The following DPP6 variants were observed in gnomAD, a reference collection of about 807,000 sequenced individuals.
DPP6 encodes the protein A-type potassium channel modulatory protein DPP6.
A neutral mutation model predicts 122.6 loss-of-function variants in DPP6; 69 were observed. The observed-to-expected ratio is 0.56, with a 90% CI of 0.46 to 0.69. The LOEUF is 0.69. Among genes scored for constraint, DPP6 ranks in the 30% least tolerant of loss-of-function variants. The pLI is 0.00. For missense variants in DPP6, 928 were observed against 1,116.9 expected, an observed-to-expected ratio of 0.83 and a Z score of 2.41; for synonymous variants, 418 against 433.1, an observed-to-expected ratio of 0.97 and a Z score of 0.43.
rs6946528 is a variant in DPP6 at position 154,727,026 on chromosome 7, A to G, written c.763-741A>G. On this transcript the variant is annotated intron_variant, in intron 7 of 25. Coordinates refer to ENST00000377770, the MANE Select transcript of DPP6 (RefSeq NM_130797.4). ...CTTCTGAGTCCTTCAACCTGTTCCAACCTCTGCCTATTACCAAGTTCCAGA... is the reference window on the plus strand; with the variant it reads ...CTTCTGAGTCCTTCAACCTGTTCCAGCCTCTGCCTATTACCAAGTTCCAGA... 7.4e-4 allele frequency among the ~76,000 whole-genome samples: 112 copies of G among 152,076 alleles called. 1 individual carries two copies. Among genetic ancestry groups the G allele is most frequent in the African/African-American group, 2.6e-3 (109 of 41,452 alleles).
At chr7:154,652,449 T>G (rs931657390) in intron 6 of DPP6, among the ~76,000 whole-genome samples, 1 of 150,636 alleles carries the variant, frequency 6.6e-6, no homozygotes, top group African/African-American at 2.4e-5. Flanking sequence ...TAGATTGGTT[T>G]AAAATAATCC....
At chr7:154,652,701 G>C (rs563883342) in intron 6 of DPP6, among the ~76,000 whole-genome samples, 3 of 152,242 alleles carry the variant, frequency 2.0e-5, no homozygotes, top group African/African-American at 7.2e-5. Flanking sequence ...TGAGGCGTCA[G>C]AGTGCAGCTC....
At chr7:154,386,432 G>C (rs187837484) in intron 1 of DPP6, among the ~76,000 whole-genome samples, 70 of 152,166 alleles carry the variant, frequency 4.6e-4, no homozygotes, top group Admixed American at 1.7e-3. Context: ...AAGGATTTGG[G>C]GGGTGTGCAA....
chr7:153,813,458 C>T, the DPP6 span, among the ~76,000 whole-genome samples: 2 of 152,102 alleles, frequency 1.3e-5, no homozygotes, highest in Non-Finnish European at 2.9e-5. Context: ...CAAGTCTTTG[C>T]TATTGTGAAT....
In DPP6 at chr7:154,855,509, G is replaced by A. The variant is rs188409460; in HGVS notation, c.1714+1682G>A. 3.4e-3 allele frequency among the ~76,000 whole-genome samples: 520 copies of A among 152,340 alleles called. 3 individuals are homozygous for A. Among genetic ancestry groups the A allele is most frequent in the African/African-American group, 0.012 (507 of 41,582 alleles). ...GGCTGCTTTCCAGCCTCACCTGCGA[G>A]GTTTGGGAATCTGGGCCATTTGAGC... On this transcript the variant is annotated intron_variant, in intron 17 of 25. Coordinates refer to ENST00000377770, the MANE Select transcript of DPP6 (RefSeq NM_130797.4).
intron 1 of DPP6, among the ~76,000 whole-genome samples, chr7:154,317,271 C>T (rs1042245292): frequency 2.6e-5 from 4 of 151,932 alleles, no homozygotes; most frequent in East Asian, 1.9e-4. Flanking sequence ...CTGAGGCGGG[C>T]GGATCATGAG....
chr7:153,802,569 C>T, the DPP6 span, among the ~76,000 whole-genome samples: 1 of 152,066 alleles, frequency 6.6e-6, no homozygotes, highest in Non-Finnish European at 1.5e-5. Flanking sequence ...ACCCCTCTTC[C>T]AGCACAAGTT....
At chr7:154,777,907 C>T (rs1358578307) in intron 10 of DPP6, among the ~76,000 whole-genome samples, 1 of 152,174 alleles carries the variant, frequency 6.6e-6, no homozygotes, top group Non-Finnish European at 1.5e-5. Flanking sequence ...TTTTCTTTTG[C>T]TTCCATTTAT....
chr7:154,838,424 C>T (rs1447693030), intron 16 of DPP6: 5 of 152,168 alleles, frequency 3.3e-5, no homozygotes, highest in Non-Finnish European at 5.9e-5. Flanking sequence ...CCACATTTTG[C>T]AGATTAAAGA....
chr7:154,557,456 G>A (rs1001411847), intron 4 of DPP6, among the ~76,000 whole-genome samples: 15 of 152,164 alleles, frequency 9.9e-5, no homozygotes, highest in African/African-American at 3.4e-4. Context: ...AGCTGAGGAT[G>A]TAATCATTCA....
intron 1 of DPP6, among the ~76,000 whole-genome samples, chr7:154,204,540 T>C (rs1000371076): frequency 1.3e-5 from 2 of 152,118 alleles, no homozygotes; most frequent in Admixed American, 1.3e-4. Flanking sequence ...CGGCCTCCTC[T>C]CCCCAGTGTG....
intron 1 of DPP6, among the ~76,000 whole-genome samples, chr7:154,157,045 G>A (rs1163775147): frequency 3.9e-5 from 6 of 152,188 alleles, no homozygotes; most frequent in Non-Finnish European, 8.8e-5. Context: ...ACCCTCACTG[G>A]GATAATTAAA....
At chr7:154,031,070 A>G (rs1799203266) in intron 1 of DPP6, among the ~76,000 whole-genome samples, 1 of 151,628 alleles carries the variant, frequency 6.6e-6, no homozygotes, top group Admixed American at 6.6e-5. Flanking sequence ...CTCCCTGGCT[A>G]TTACCTCTCC....
chr7:154,445,719 A>G (rs888034959), intron 1 of DPP6, among the ~76,000 whole-genome samples: 1 of 152,184 alleles, frequency 6.6e-6, no homozygotes, highest in Non-Finnish European at 1.5e-5. Flanking sequence ...GGCACATAGC[A>G]TGTGCTAAAT....
intron 1 of DPP6, among the ~76,000 whole-genome samples, chr7:154,152,553 T>C (rs945703952): frequency 3.0e-4 from 45 of 152,370 alleles, no homozygotes; most frequent in African/African-American, 9.9e-4. Context: ...CAAATTTATG[T>C]CATTGGCTGA....
chr7:154,505,897 A>G (rs931021588), intron 3 of DPP6, among the ~76,000 whole-genome samples: 8 of 152,174 alleles, frequency 5.3e-5, no homozygotes, highest in African/African-American at 1.7e-4. Context: ...GTGGAAGGCA[A>G]TGCTCTTTCT....
At chr7:154,859,012 A>C (rs909119354) in intron 17 of DPP6, among the ~76,000 whole-genome samples, 2 of 152,108 alleles carry the variant, frequency 1.3e-5, no homozygotes, top group African/African-American at 2.4e-5. Flanking sequence ...GGCGCTCTTG[A>C]CTGTGGGCTG....
At chr7:154,808,492 C>G (rs1428086590) in intron 16 of DPP6, among the ~76,000 whole-genome samples, 1 of 152,088 alleles carries the variant, frequency 6.6e-6, no homozygotes, top group African/African-American at 2.4e-5. Context: ...CACCAAGTAT[C>G]TGAAATCATA....
chr7:153,906,005 C>T (rs1013545394), intron 1 of DPP6, among the ~76,000 whole-genome samples: 11 of 152,122 alleles, frequency 7.2e-5, no homozygotes, highest in Admixed American at 2.0e-4. Context: ...AGGAGACAAA[C>T]GGAAGTGTTA....
Sources: allele counts gnomAD v4.1 joint callset (sites outside exome capture counted in the v4.1 genomes callset), GRCh38; gene constraint gnomAD v4.1.1; transcripts MANE v1.5; gene names NCBI Gene and HGNC (gene_info 2026-07-23, HGNC 2026-07-21).